TMEM47: variants seen among roughly 807,000 people sequenced by gnomAD.
TMEM47 encodes the protein transmembrane protein 47, also known as brain cell membrane protein 1.
In TMEM47, 3 loss-of-function variants were observed where a neutral mutation model predicts 12.4. The observed-to-expected ratio is 0.24, with a 90% CI of 0.11 to 0.63. TMEM47 has a LOEUF of 0.63. Among genes scored for constraint, TMEM47 ranks in the 20% least tolerant of loss-of-function variants. The probability of loss-of-function intolerance (pLI) is 0.86; values close to 1 mark genes in which losing one functional copy is unlikely to be tolerated. For missense variants in TMEM47, 89 were observed against 143.8 expected (o/e 0.62, Z 1.95); for synonymous variants, 62 against 63.3 (o/e 0.98, Z 0.10).
intron 1 of TMEM47, among the ~76,000 whole-genome samples, chrX:34,654,877 A>T (rs772018276): frequency 8.9e-6 from 1 of 111,956 alleles, no homozygotes; most frequent in East Asian, 2.8e-4. Flanking sequence ...CTGGGCTATG[A>T]CTTTCAGCAA....
chrX:34,631,373 T>A (rs976166327), intron 2 of TMEM47, among the ~76,000 whole-genome samples: 2 of 110,429 alleles, frequency 1.8e-5, no homozygotes, highest in Non-Finnish European at 3.8e-5. Flanking sequence ...TGCCAGAAAG[T>A]CTCACCATGA....
At position 34,628,370 on chromosome X, in the gene TMEM47, T is replaced by A. The variant is rs1456610383; in HGVS notation, c.*1943A>T. On this transcript the variant is annotated 3_prime_UTR_variant, in exon 3 of 3. Transcript: ENST00000275954. ...TATAATACTATCTTTCTGGAGAATT[T>A]CCACTCATAATTTCTAATGATTCTT... 1.8e-5 allele frequency: 2 copies of A among 111,943 alleles called. No individual in the cohort carries two copies. Among genetic ancestry groups the A allele is most frequent in the Non-Finnish European group, 3.8e-5 (2 of 53,072 alleles). 9.2% of individuals were successfully genotyped at this position (111,943 alleles called of 1,213,427 possible).
At chrX:34,653,351 A>G (rs1222462139) in intron 1 of TMEM47, among the ~76,000 whole-genome samples, 1 of 103,345 alleles carries the variant, frequency 9.7e-6, no homozygotes, top group East Asian at 3.7e-4. Context: ...GTACTATTTG[A>G]TCAAGTATTT....
chrX:34,655,063 C>T (rs904007817), intron 1 of TMEM47, among the ~76,000 whole-genome samples: 12 of 111,974 alleles, frequency 1.1e-4, no homozygotes, highest in African/African-American at 3.2e-4. Context: ...TTAGCAAACA[C>T]TGTATGTTGC....
At chrX:34,636,493 G>T in intron 2 of TMEM47, among the ~76,000 whole-genome samples, 1 of 111,870 alleles carries the variant, frequency 8.9e-6, no homozygotes, top group Middle Eastern at 4.6e-3. Context: ...ATATTCCTGT[G>T]GGACATACAA....
chrX:34,643,553 T>C (rs759881764), intron 1 of TMEM47, among the ~76,000 whole-genome samples: 5 of 112,124 alleles, frequency 4.5e-5, no homozygotes, highest in Non-Finnish European at 9.4e-5. Flanking sequence ...AATTTCTATA[T>C]CAATTTTAGT....
intron 2 of TMEM47, among the ~76,000 whole-genome samples, chrX:34,632,246 A>G (rs1921639480): frequency 8.9e-6 from 1 of 112,229 alleles, no homozygotes. Context: ...GAATAATTAA[A>G]GAAAAGGAGG....
intron 1 of TMEM47, among the ~76,000 whole-genome samples, chrX:34,640,780 T>A: frequency 9.0e-6 from 1 of 111,432 alleles, no homozygotes; most frequent in East Asian, 2.8e-4. Flanking sequence ...TTTATTTATA[T>A]TTGTACATCC....
chrX:34,630,897 G>T (rs112476912), intron 2 of TMEM47, among the ~76,000 whole-genome samples: 1,701 of 109,049 alleles, frequency 0.016, 39 homozygotes, highest in African/African-American at 0.054. Flanking sequence ...CCCCAGCCAG[G>T]TGCGGTGGCT....
intron 1 of TMEM47, among the ~76,000 whole-genome samples, chrX:34,645,816 A>G (rs1027609150): frequency 1.8e-5 from 2 of 112,295 alleles, no homozygotes; most frequent in African/African-American, 6.5e-5. Context: ...GCAAGTAATT[A>G]TTTGTATTTT....
intron 1 of TMEM47, among the ~76,000 whole-genome samples, chrX:34,656,078 G>A (rs1922102701): frequency 9.0e-6 from 1 of 111,105 alleles, no homozygotes; most frequent in Admixed American, 9.6e-5. Flanking sequence ...TTCAGCGCTG[G>A]CGGAATAAAG....
intron 1 of TMEM47, among the ~76,000 whole-genome samples, chrX:34,640,996 A>C (rs972067110): frequency 6.3e-5 from 7 of 110,892 alleles, no homozygotes; most frequent in Non-Finnish European, 1.3e-4. Context: ...AAGCCATACA[A>C]CTTCAAACAA....
At chrX:34,648,344 T>C (rs1921952768) in intron 1 of TMEM47, among the ~76,000 whole-genome samples, 1 of 111,752 alleles carries the variant, frequency 8.9e-6, no homozygotes, top group African/African-American at 3.3e-5. Flanking sequence ...AAAACAGGCA[T>C]ATAGACCAAT....
At chrX:34,639,780 C>T (rs914367237) in intron 1 of TMEM47, among the ~76,000 whole-genome samples, 1 of 111,436 alleles carries the variant, frequency 9.0e-6, no homozygotes, top group Non-Finnish European at 1.9e-5. Context: ...TATTTATACA[C>T]CATCCAGATT....
chrX:34,633,354 G>A (rs989361913), intron 2 of TMEM47, among the ~76,000 whole-genome samples: 3 of 111,416 alleles, frequency 2.7e-5, no homozygotes, highest in African/African-American at 9.8e-5. Flanking sequence ...TGGGGGTGCA[G>A]AACAACATAG....
rs1420343277 is a variant in TMEM47 at position 34,647,415 on chromosome X, G to A, written c.227-8028C>T. On this transcript the variant is annotated intron_variant, in intron 1 of 2. Coordinates refer to ENST00000275954, the MANE Select transcript of TMEM47 (RefSeq NM_031442.4). ...TAAATATGTGATCTCTTGAAACATGGCTCATTAAAATATCATTTTAAACCT... is the reference window on the plus strand; with the variant it reads ...TAAATATGTGATCTCTTGAAACATGACTCATTAAAATATCATTTTAAACCT... 3.6e-5 allele frequency among the ~76,000 whole-genome samples: 4 copies of A among 111,393 alleles called. No individual in the cohort carries two copies. The Admixed American group carries it at 3.8e-4, about 11-fold the overall frequency.
At chrX:34,642,160 A>G (rs1348231798) in intron 1 of TMEM47, among the ~76,000 whole-genome samples, 5 of 112,670 alleles carry the variant, frequency 4.4e-5, no homozygotes, top group Non-Finnish European at 5.6e-5. Flanking sequence ...CCCAGCCCCA[A>G]TAAAACTTAA....
At chrX:34,653,047 T>C (rs983090584) in intron 1 of TMEM47, among the ~76,000 whole-genome samples, 1 of 112,266 alleles carries the variant, frequency 8.9e-6, no homozygotes, top group African/African-American at 3.2e-5. Flanking sequence ...TCAGAATCAC[T>C]ATATCTCAGA....
At position 34,646,199 on chromosome X, in the gene TMEM47, A is replaced by G. The variant is rs187673438; in HGVS notation, c.227-6812T>C. ...TGGAGTTGTTTTATGTTGATGTTAG[A>G]AAAAAAAACACACATACTTTTTATT... On this transcript the variant is annotated intron_variant, in intron 1 of 2. Coordinates refer to ENST00000275954, the MANE Select transcript of TMEM47 (RefSeq NM_031442.4). 2.5e-3 allele frequency among the ~76,000 whole-genome samples: 267 copies of G among 107,415 alleles called. 1 individual carries two copies. The highest frequency in any genetic ancestry group is 8.3e-3 in the African/African-American group (231 of 27,683). 93.3% of individuals were successfully genotyped at this position (107,415 alleles called of 115,157 possible).
Sources: allele counts gnomAD v4.1 joint callset (sites outside exome capture counted in the v4.1 genomes callset), GRCh38; gene constraint gnomAD v4.1.1; transcripts MANE v1.5; gene names NCBI Gene and HGNC (gene_info 2026-07-23, HGNC 2026-07-21).